The following B3GNT2 variants were observed in gnomAD, a reference collection of about 807,000 sequenced individuals.
The protein encoded by B3GNT2 is N-acetyllactosaminide beta-1,3-N-acetylglucosaminyltransferase 2.
A neutral mutation model predicts 27.6 loss-of-function variants in B3GNT2; 12 were observed. The observed-to-expected ratio is 0.44, with a 90% CI of 0.28 to 0.71. The LOEUF (loss-of-function observed/expected upper bound fraction) is 0.71. Among genes scored for constraint, B3GNT2 ranks in the 30% least tolerant of loss-of-function variants. The probability of loss-of-function intolerance (pLI) is 0.17; values close to 1 mark genes in which losing one functional copy is unlikely to be tolerated. For missense variants in B3GNT2, 413 were observed against 488.5 expected (o/e 0.85, Z 1.46); for synonymous variants, 192 against 189.7 (o/e 1.01, Z -0.10).
chr2:62,204,530 A>G lies in B3GNT2; in HGVS notation c.-10+8175A>G, dbSNP rs1417300869. ...TAATGAAAGGGTCGAAGTGTTACAA[A>G]TGCTATCCTTTCTAAATAGTCAACA... On this transcript the variant is annotated intron_variant, in intron 1 of 1. Transcript: ENST00000301998. Among the ~76,000 whole-genome samples, 4 of 152,356 alleles carry G rather than the reference A, an allele frequency of 2.6e-5. No homozygotes were observed. In the East Asian group the frequency reaches 7.7e-4, roughly 29 times the overall value.
rs1674136307 is a variant in B3GNT2, at chr2:62,196,218, C to G, written c.-147C>G. On this transcript the variant is annotated 5_prime_UTR_variant, in exon 1 of 2. Coordinates refer to ENST00000301998, the MANE Select transcript of B3GNT2 (RefSeq NM_006577.6). ...CCTGCCGCCGACACCGCCGGGCCGC[C>G]CGTCCGGGGCGCCGCGCATGGAGCG... 6.6e-6 allele frequency: 1 copy of G among 151,842 alleles called. No individual in the cohort carries two copies. Among genetic ancestry groups the G allele is most frequent in the Non-Finnish European group, 1.5e-5 (1 of 67,966 alleles). The allele number at this position is 151,842 out of a possible 1,614,324, so 9.4% of individuals were successfully genotyped here.
chr2:62,202,001 G>A (rs1674274784), intron 1 of B3GNT2, among the ~76,000 whole-genome samples: 1 of 152,312 alleles, frequency 6.6e-6, no homozygotes, highest in African/African-American at 2.4e-5. Context: ...CCATCAGAGG[G>A]TCCCCTGGTC....
At chr2:62,205,049 C>T (rs1030496962) in intron 1 of B3GNT2, among the ~76,000 whole-genome samples, 5 of 152,162 alleles carry the variant, frequency 3.3e-5, no homozygotes, top group Non-Finnish European at 5.9e-5. Flanking sequence ...ATTGGACGCC[C>T]CCAGGGAGAG....
rs1030308444 is a variant in B3GNT2, at chr2:62,196,219, C to G, written c.-146C>G. The G allele has an allele frequency of 5.3e-5, 8 of 151,916 alleles. No homozygotes were observed. Among genetic ancestry groups the G allele is most frequent in the Non-Finnish European group, 7.4e-5 (5 of 67,946 alleles). 9.4% of individuals were successfully genotyped at this position (151,916 alleles called of 1,614,324 possible). ...CTGCCGCCGACACCGCCGGGCCGCC[C>G]GTCCGGGGCGCCGCGCATGGAGCGT... On this transcript the variant is annotated 5_prime_UTR_variant, in exon 1 of 2. Coordinates refer to ENST00000301998, the MANE Select transcript of B3GNT2 (RefSeq NM_006577.6).
rs907860802 is a variant in B3GNT2, at chr2:62,222,092, C to T, written c.-9-120C>T. ...GGAAGGGCCAAGATTTGAACCTAGG[C>T]AGTGCAAGTGTAGAGTCTTTGCTGT... On this transcript the variant is annotated intron_variant, in intron 1 of 1. Coordinates refer to ENST00000301998, the MANE Select transcript of B3GNT2 (RefSeq NM_006577.6). The surrounding 1 kb of genome is among the most constrained non-coding windows in gnomAD (Gnocchi z 4.2). 39 of 874,750 alleles carry T rather than the reference C, an allele frequency of 4.5e-5. 1 individual carries two copies. Among genetic ancestry groups the T allele is most frequent in the Non-Finnish European group, 6.4e-5 (37 of 578,498 alleles). 54.2% of individuals were successfully genotyped at this position (874,750 alleles called of 1,614,324 possible).
chr2:62,213,088 C>T (rs1029026340), intron 1 of B3GNT2, among the ~76,000 whole-genome samples: 5 of 152,132 alleles, frequency 3.3e-5, no homozygotes, highest in African/African-American at 7.2e-5. Flanking sequence ...GCTTGCATTC[C>T]GGTGTTTTTT....
At chr2:62,214,212 G>T (rs1674530084) in intron 1 of B3GNT2, among the ~76,000 whole-genome samples, 1 of 152,206 alleles carries the variant, frequency 6.6e-6, no homozygotes, top group Admixed American at 6.5e-5. Flanking sequence ...TATTGGTGGT[G>T]GTCTGGGGGA....
At chr2:62,216,841 G>A (rs1229946908) in intron 1 of B3GNT2, among the ~76,000 whole-genome samples, 6 of 152,326 alleles carry the variant, frequency 3.9e-5, no homozygotes, top group Admixed American at 1.3e-4. Context: ...TGGCTTCCCC[G>A]GGGTCATAAA....
At chr2:62,201,640 G>T (rs1674266350) in intron 1 of B3GNT2, among the ~76,000 whole-genome samples, 1 of 152,022 alleles carries the variant, frequency 6.6e-6, no homozygotes. Context: ...ATGTAACTTG[G>T]GTAGTACTTG....
intron 1 of B3GNT2, among the ~76,000 whole-genome samples, chr2:62,211,860 A>G (rs983236151): frequency 5.9e-5 from 9 of 152,154 alleles, no homozygotes; most frequent in Admixed American, 1.3e-4. Flanking sequence ...TGGAAGCCCC[A>G]CTAAGGTCCT....
intron 1 of B3GNT2, among the ~76,000 whole-genome samples, chr2:62,219,324 G>C (rs947169529): frequency 6.6e-6 from 1 of 152,306 alleles, no homozygotes; most frequent in African/African-American, 2.4e-5. Context: ...AGTATGTGCT[G>C]TTTTTTCCTG....
chr2:62,221,973 C>G (rs1674704423), intron 1 of B3GNT2: 1 of 572,156 alleles, frequency 1.7e-6, no homozygotes, highest in African/African-American at 1.9e-5. Context: ...CATATACTCA[C>G]AACCATCCTT....
chr2:62,205,777 G>T (rs1278244431), intron 1 of B3GNT2: 1 of 152,744 alleles, frequency 6.5e-6, no homozygotes, highest in East Asian at 1.9e-4. Context: ...TGCCGTGGGC[G>T]GGGCCTGCCA....
intron 1 of B3GNT2, among the ~76,000 whole-genome samples, chr2:62,214,723 G>T (rs1470782631): frequency 6.6e-6 from 1 of 152,164 alleles, no homozygotes; most frequent in Admixed American, 6.5e-5. Flanking sequence ...TACAAAGGAG[G>T]AAAGTGAGGC....
intron 1 of B3GNT2, among the ~76,000 whole-genome samples, chr2:62,203,336 G>A (rs963087606): frequency 2.6e-5 from 4 of 152,260 alleles, no homozygotes; most frequent in South Asian, 4.1e-4. Flanking sequence ...CATGACACAG[G>A]TATATTGGGG....
intron 1 of B3GNT2, among the ~76,000 whole-genome samples, chr2:62,218,730 G>T (rs1310361442): frequency 2.0e-5 from 3 of 152,224 alleles, no homozygotes; most frequent in African/African-American, 7.2e-5. Context: ...AGTCCCCTCT[G>T]AGCTTCCATT....
Position 62,223,440 on chromosome 2 carries a change from A to T in B3GNT2, c.*26A>T. On this transcript the variant is annotated 3_prime_UTR_variant, in exon 2 of 2. Coordinates refer to ENST00000301998, the MANE Select transcript of B3GNT2 (RefSeq NM_006577.6). Reference sequence around the variant, plus strand: ...AATAGATACAAACTCAATTTTGCATAGAAAGGTGTATTTTGAATAGTTCCC... The same window carrying T: ...AATAGATACAAACTCAATTTTGCATTGAAAGGTGTATTTTGAATAGTTCCC... 1 of 1,535,664 alleles carries T rather than the reference A, an allele frequency of 6.5e-7. No individual in the cohort carries two copies.
chr2:62,219,440 C>CT (rs1230684876), intron 1 of B3GNT2, among the ~76,000 whole-genome samples: 2 of 152,126 alleles, frequency 1.3e-5, no homozygotes, highest in Non-Finnish European at 2.9e-5. Flanking sequence ...ACCACCATGC[C>CT]TTTTTTGTAT....
chr2:62,202,188 G>A (rs1185341709), intron 1 of B3GNT2, among the ~76,000 whole-genome samples: 1 of 152,244 alleles, frequency 6.6e-6, no homozygotes, highest in East Asian at 1.9e-4. Flanking sequence ...AGTGGGCAGT[G>A]TGGTGGAGAC....
Sources: gnomAD v4.1 joint callset for allele counts (sites outside exome capture counted in the v4.1 genomes callset) on GRCh38, gnomAD v4.1.1 for gene constraint, Gnocchi (gnomAD v3.1) non-coding constraint, MANE v1.5 for transcripts, NCBI Gene and HGNC (gene_info 2026-07-23, HGNC 2026-07-21) for gene names.